The following MAF variants were observed in gnomAD, a reference collection of about 807,000 sequenced individuals.
The protein encoded by MAF is MAF bZIP transcription factor.
MAF carries 10 observed loss-of-function variants against 22.0 expected under a neutral mutation model. The ratio of observed to expected loss-of-function variants is 0.45; its 90% CI spans 0.28 to 0.77. MAF has a LOEUF of 0.77. Ranked by LOEUF, MAF falls within the 30% of genes least tolerant of loss-of-function variation. MAF has a pLI of 0.12. For synonymous variants in MAF, 337 were observed against 255.8 expected, an observed-to-expected ratio of 1.32 and a Z score of -3.03; for missense variants, 544 against 548.4, an observed-to-expected ratio of 0.99 and a Z score of 0.08.
At chr16:79,212,077 T>C in the MAF span, 35 of 1,536,330 alleles carry the variant, frequency 2.3e-5, 2 homozygotes, top group South Asian at 3.9e-4. Context: ...GTAGGTTCCG[T>C]ATCTCCCTGG....
the MAF span, among the ~76,000 whole-genome samples, chr16:79,574,291 A>G: frequency 6.6e-6 from 1 of 152,208 alleles, no homozygotes; most frequent in Non-Finnish European, 1.5e-5. Flanking sequence ...TCCTGTTTCT[A>G]CTTTAGCCCC....
the MAF span, among the ~76,000 whole-genome samples, chr16:79,427,223 C>T: frequency 6.6e-6 from 1 of 152,180 alleles, no homozygotes; most frequent in South Asian, 2.1e-4. Flanking sequence ...GGAAGAGCTG[C>T]CACAATCAAT....
the MAF span, among the ~76,000 whole-genome samples, chr16:79,429,375 T>C: frequency 3.9e-5 from 6 of 152,316 alleles, no homozygotes; most frequent in Admixed American, 1.3e-4. Context: ...CTCTTTTGTG[T>C]GCCTCCTCTT....
the MAF span, among the ~76,000 whole-genome samples, chr16:79,368,561 A>C: frequency 3.3e-5 from 5 of 151,960 alleles, no homozygotes; most frequent in South Asian, 1.0e-3. Flanking sequence ...GTTACTGAAA[A>C]CCTTATGTCC....
the MAF span, among the ~76,000 whole-genome samples, chr16:79,224,732 G>A: frequency 6.6e-6 from 1 of 152,088 alleles, no homozygotes; most frequent in Non-Finnish European, 1.5e-5. Flanking sequence ...AAACAAGAGA[G>A]CAAAATCATG....
At chr16:79,296,042 A>C in the MAF span, among the ~76,000 whole-genome samples, 38 of 152,300 alleles carry the variant, frequency 2.5e-4, no homozygotes, top group Non-Finnish European at 2.4e-4. Context: ...TCAGTCCTCC[A>C]TGTGGGCTGA....
intron 1 of MAF, chr16:79,596,572 T>A (rs1913539687): frequency 9.5e-7 from 1 of 1,047,732 alleles, no homozygotes; most frequent in Admixed American, 5.5e-5. Context: ...ACAACACGCG[T>A]GGTTAGTTAG....
the MAF span, among the ~76,000 whole-genome samples, chr16:79,214,347 C>G: frequency 6.6e-6 from 1 of 152,146 alleles, no homozygotes; most frequent in Non-Finnish European, 1.5e-5. Flanking sequence ...AAGAATGATT[C>G]TGGGTGACTA....
the MAF span, among the ~76,000 whole-genome samples, chr16:79,487,904 G>A: frequency 6.6e-5 from 10 of 152,204 alleles, no homozygotes; most frequent in Admixed American, 6.5e-4. Context: ...CATTTTAAAT[G>A]AGAATCTTTC....
the MAF span, among the ~76,000 whole-genome samples, chr16:79,374,980 A>C: frequency 1.3e-5 from 2 of 152,188 alleles, no homozygotes; most frequent in Non-Finnish European, 2.9e-5. Flanking sequence ...AACTATGTCC[A>C]CACTTGTGAA....
chr16:79,453,273 A>C, the MAF span, among the ~76,000 whole-genome samples: 47 of 152,272 alleles, frequency 3.1e-4, no homozygotes, highest in South Asian at 9.3e-3. Context: ...CTCCCCTGCC[A>C]GTATCATATT....
At chr16:79,432,388 G>T in the MAF span, among the ~76,000 whole-genome samples, 2 of 151,908 alleles carry the variant, frequency 1.3e-5, no homozygotes, top group Non-Finnish European at 2.9e-5. Context: ...ATATATACAG[G>T]TACTATGTTT....
chr16:79,208,529 A>G, the MAF span, among the ~76,000 whole-genome samples: 2 of 152,176 alleles, frequency 1.3e-5, no homozygotes, highest in African/African-American at 2.4e-5. Context: ...TGTTAACATT[A>G]TTTCCTTTAG....
At chr16:79,504,854 A>G in the MAF span, among the ~76,000 whole-genome samples, 1 of 152,190 alleles carries the variant, frequency 6.6e-6, no homozygotes, top group Non-Finnish European at 1.5e-5. Flanking sequence ...CTTGACTACA[A>G]GACTATGACT....
chr16:79,508,708 A>C, the MAF span, among the ~76,000 whole-genome samples: 1 of 152,222 alleles, frequency 6.6e-6, no homozygotes, highest in Non-Finnish European at 1.5e-5. Context: ...TTGCACAAAA[A>C]CCAAAAACTT....
At chr16:79,291,467 C>T in the MAF span, among the ~76,000 whole-genome samples, 1 of 152,056 alleles carries the variant, frequency 6.6e-6, no homozygotes, top group Non-Finnish European at 1.5e-5. Flanking sequence ...CGGGTAGTGG[C>T]TTCCTGAATT....
the MAF span, among the ~76,000 whole-genome samples, chr16:79,449,542 T>C: frequency 6.6e-6 from 1 of 152,198 alleles, no homozygotes; most frequent in African/African-American, 2.4e-5. Context: ...CACCTCTTTC[T>C]GCATGCATGC....
At chr16:79,506,035 G>A in the MAF span, among the ~76,000 whole-genome samples, 1 of 152,042 alleles carries the variant, frequency 6.6e-6, no homozygotes, top group Non-Finnish European at 1.5e-5. Flanking sequence ...AAAGAAGAGG[G>A]AGGAGAAGTC....
the MAF span, among the ~76,000 whole-genome samples, chr16:79,335,866 C>T: frequency 1.3e-5 from 2 of 152,212 alleles, no homozygotes; most frequent in Admixed American, 6.5e-5. Flanking sequence ...GGCGAAGAGA[C>T]AGCCCGGTGA....
Sources: gnomAD v4.1 joint callset for allele counts (sites outside exome capture counted in the v4.1 genomes callset) on GRCh38, gnomAD v4.1.1 for gene constraint, MANE v1.5 for transcripts, NCBI Gene and HGNC (gene_info 2026-07-23, HGNC 2026-07-21) for gene names.